The following FAM117B variants were observed in gnomAD, a reference collection of about 807,000 sequenced individuals.
The protein encoded by FAM117B is family with sequence similarity 117 member B, also known as protein FAM117B.
In FAM117B, 22 loss-of-function variants were observed where a neutral mutation model predicts 52.8. That is an observed-to-expected ratio of 0.42 (90% CI 0.30 to 0.59). The LOEUF is 0.59. Among genes scored for constraint, FAM117B ranks in the 20% least tolerant of loss-of-function variants. The probability of loss-of-function intolerance (pLI) is 0.22; values close to 1 mark genes in which losing one functional copy is unlikely to be tolerated. For synonymous variants in FAM117B, 309 were observed against 324.1 expected (o/e 0.95, Z 0.50); for missense variants, 678 against 802.6 (o/e 0.84, Z 1.88).
chr2:202,729,937 C>T (rs1410859304), intron 4 of FAM117B, among the ~76,000 whole-genome samples: 1 of 151,706 alleles, frequency 6.6e-6, no homozygotes, highest in Non-Finnish European at 1.5e-5. Flanking sequence ...AGATATAGAA[C>T]GAATTGGGAA....
chr2:202,645,279 C>T (rs978382547), intron 1 of FAM117B, among the ~76,000 whole-genome samples: 1 of 149,240 alleles, frequency 6.7e-6, no homozygotes, highest in Non-Finnish European at 1.5e-5. Flanking sequence ...TCTTTTTTTT[C>T]TTTCTTTTTT....
intron 4 of FAM117B, among the ~76,000 whole-genome samples, chr2:202,754,838 C>T (rs1240320781): frequency 1.5e-5 from 2 of 131,162 alleles, no homozygotes; most frequent in Admixed American, 9.6e-5. Flanking sequence ...TGCAGTGAGC[C>T]GAGATCACAT....
rs1408054940 is a variant in FAM117B, at chr2:202,769,610, T to C, written c.*3846T>C. ...TAAAATGCAATTTAAAACATTTTGT[T>C]ATTCTAACAATTCTCTCAAAAAACA... On this transcript the variant is annotated 3_prime_UTR_variant, in exon 8 of 8. Transcript: ENST00000392238. The C allele has an allele frequency of 6.6e-6, 1 of 152,660 alleles. No individual in the cohort carries two copies. The highest frequency in any genetic ancestry group is 1.5e-5 in the Non-Finnish European group (1 of 68,046). The allele number at this position is 152,660 out of a possible 1,614,324, so 9.5% of individuals were successfully genotyped here.
At chr2:202,647,111 T>C (rs1689880462) in intron 1 of FAM117B, among the ~76,000 whole-genome samples, 1 of 152,108 alleles carries the variant, frequency 6.6e-6, no homozygotes, top group Non-Finnish European at 1.5e-5. Context: ...TAAGACAAAA[T>C]GGGATTTATT....
chr2:202,707,882 C>T (rs957386135), intron 2 of FAM117B, among the ~76,000 whole-genome samples: 1 of 151,740 alleles, frequency 6.6e-6, no homozygotes, highest in Non-Finnish European at 1.5e-5. Flanking sequence ...AATCTCCTGC[C>T]TCAGCCTCCC....
At chr2:202,763,070 CTTT>C (rs11292183) in intron 7 of FAM117B, among the ~76,000 whole-genome samples, 10 of 106,950 alleles carry the variant, frequency 9.4e-5, no homozygotes, top group East Asian at 3.0e-4. Context: ...AGTCTTAAGT[CTTT>C]TTTTTTTTTT....
At chr2:202,660,987 T>C (rs1048572685) in intron 1 of FAM117B, among the ~76,000 whole-genome samples, 33 of 152,344 alleles carry the variant, frequency 2.2e-4, no homozygotes, top group Admixed American at 1.6e-3. Context: ...CCCTCCTACC[T>C]AGTCCATTGG....
At chr2:202,705,608 C>T (rs1232172312) in intron 2 of FAM117B, among the ~76,000 whole-genome samples, 1 of 152,198 alleles carries the variant, frequency 6.6e-6, no homozygotes, top group African/African-American at 2.4e-5. Flanking sequence ...TTTGCCATTT[C>T]TGCTTTAGAG....
chr2:202,723,327 A>G (rs1691181009), intron 2 of FAM117B, among the ~76,000 whole-genome samples: 1 of 152,230 alleles, frequency 6.6e-6, no homozygotes, highest in South Asian at 2.1e-4. Context: ...CAAACTGCAC[A>G]GTATTTTTTG....
chr2:202,661,920 A>G (rs887235800), intron 1 of FAM117B, among the ~76,000 whole-genome samples: 1 of 114,234 alleles, frequency 8.8e-6, no homozygotes, highest in Non-Finnish European at 1.6e-5. Flanking sequence ...GATTCCATCT[A>G]AAAAAAAAAA....
chr2:202,636,366 A>G (rs1156792315), intron 1 of FAM117B, among the ~76,000 whole-genome samples: 1 of 152,214 alleles, frequency 6.6e-6, no homozygotes, highest in Admixed American at 6.5e-5. Flanking sequence ...TGAAAATTAA[A>G]CAAGATTCCT....
intron 1 of FAM117B, among the ~76,000 whole-genome samples, chr2:202,652,660 A>G (rs1689975067): frequency 6.6e-6 from 1 of 152,170 alleles, no homozygotes; most frequent in Admixed American, 6.5e-5. Flanking sequence ...GGTGATTGGT[A>G]GAGTAGAGAT....
chr2:202,736,305 G>C (rs1691436654), intron 4 of FAM117B, among the ~76,000 whole-genome samples: 1 of 152,134 alleles, frequency 6.6e-6, no homozygotes, highest in African/African-American at 2.4e-5. Context: ...GAGCTGTAAA[G>C]GTAGGTACCA....
At chr2:202,680,430 C>G (rs929889378) in intron 1 of FAM117B, among the ~76,000 whole-genome samples, 6 of 152,052 alleles carry the variant, frequency 3.9e-5, no homozygotes, top group African/African-American at 1.4e-4. Context: ...TTAAAAAAGT[C>G]TGAAGAAATA....
chr2:202,672,640 A>G (rs1690316843), intron 1 of FAM117B, among the ~76,000 whole-genome samples: 1 of 152,246 alleles, frequency 6.6e-6, no homozygotes, highest in Non-Finnish European at 1.5e-5. Context: ...TTGGCATCTG[A>G]CAAATGCGGT....
chr2:202,761,404 A>C (rs1691885560), intron 7 of FAM117B, among the ~76,000 whole-genome samples: 1 of 152,202 alleles, frequency 6.6e-6, no homozygotes, highest in South Asian at 2.1e-4. Flanking sequence ...GTACTACTAC[A>C]TTATTTATCT....
chr2:202,671,387 G>A (rs1324774928), intron 1 of FAM117B, among the ~76,000 whole-genome samples: 3 of 152,214 alleles, frequency 2.0e-5, no homozygotes, highest in East Asian at 3.8e-4. Context: ...TAGAGAATAT[G>A]CCTCTGGATT....
intron 1 of FAM117B, among the ~76,000 whole-genome samples, chr2:202,644,064 G>GTTTTTTTTTTTTTTTTTTTTTTTTTT (rs1161026426): frequency 1.1e-5 from 1 of 95,162 alleles, no homozygotes; most frequent in African/African-American, 4.5e-5. Context: ...TTTTTTTTTT[G>GTTTTTTTTTTTTTTTTTTTTTTTTTT]TTTTTTTTTT....
At chr2:202,707,471 C>T (rs141764732) in intron 2 of FAM117B, among the ~76,000 whole-genome samples, 3,712 of 151,478 alleles carry the variant, frequency 0.025, 58 homozygotes, top group Non-Finnish European at 0.037. Context: ...TGGGAGGCCA[C>T]GGTGGGTAGA....
Sources: allele counts gnomAD v4.1 joint callset (sites outside exome capture counted in the v4.1 genomes callset), GRCh38; gene constraint gnomAD v4.1.1; transcripts MANE v1.5; gene names NCBI Gene and HGNC (gene_info 2026-07-23, HGNC 2026-07-21).